Variants in ANO4 observed in about 807,000 individuals in gnomAD.
The protein encoded by ANO4 is anoctamin 4, also known as anoctamin-4.
A neutral mutation model predicts 141.9 loss-of-function variants in ANO4; 69 were observed. That is an observed-to-expected ratio of 0.49 (90% confidence interval 0.40 to 0.59). The LOEUF is 0.59. Among genes scored for constraint, ANO4 ranks in the 20% least tolerant of loss-of-function variants. The pLI, the probability that ANO4 is intolerant of heterozygous loss-of-function variation, is 0.00. For missense variants in ANO4, 894 were observed against 1,162.2 expected (o/e 0.77, Z 3.36); for synonymous variants, 350 against 394.3 (o/e 0.89, Z 1.33).
chr12:100,806,575 C>T (rs1298093067), intron 1 of ANO4, among the ~76,000 whole-genome samples: 16 of 88,200 alleles, frequency 1.8e-4, no homozygotes, highest in Admixed American at 1.8e-3. Flanking sequence ...GACAGAGTCT[C>T]GCTCTGTCAC....
exon 3 of ANO4, chr12:100,739,961 G>T: frequency 1.4e-6 from 1 of 702,562 alleles, no homozygotes; most frequent in Non-Finnish European, 2.6e-6. Context: ...CGTCTCCAAA[G>T]ATGCAGGCAT....
intron 5 of ANO4, among the ~76,000 whole-genome samples, chr12:100,965,256 G>A (rs7963092): frequency 0.029 from 4,349 of 152,090 alleles, 210 homozygotes; most frequent in African/African-American, 0.1. Context: ...TCTAGGCACG[G>A]GATTTTTTTT....
chr12:100,855,025 C>A (rs927747625), intron 1 of ANO4, among the ~76,000 whole-genome samples: 2 of 152,108 alleles, frequency 1.3e-5, no homozygotes, highest in African/African-American at 4.8e-5. Flanking sequence ...CGCTTTATGG[C>A]CCAAACCCCT....
At chr12:100,882,376 C>T (rs1354648886) in intron 1 of ANO4, among the ~76,000 whole-genome samples, 1 of 152,122 alleles carries the variant, frequency 6.6e-6, no homozygotes, top group Non-Finnish European at 1.5e-5. Flanking sequence ...TCTTTTATGG[C>T]CTTTGCTATA....
At chr12:100,956,304 T>C in intron 5 of ANO4, among the ~76,000 whole-genome samples, 1 of 152,378 alleles carries the variant, frequency 6.6e-6, no homozygotes. Flanking sequence ...GTGGTGTTAC[T>C]GCTCACTAGA....
At chr12:100,837,773 TTTGAGTGGTCAAATAAAGGG>T (rs1008649144) in intron 1 of ANO4, among the ~76,000 whole-genome samples, 20 of 146,272 alleles carry the variant, frequency 1.4e-4, no homozygotes, top group East Asian at 4.1e-4. Context: ...GCAATAAAGG[TTTGAGTGGTCAAATAAAGGG>T]TTGAGTGGTC....
At chr12:100,933,037 G>A (rs2042143567) in intron 3 of ANO4, among the ~76,000 whole-genome samples, 1 of 151,878 alleles carries the variant, frequency 6.6e-6, no homozygotes, top group South Asian at 2.1e-4. Context: ...GCCCTTCCTG[G>A]GTCTGAATGA....
intron 4 of ANO4, among the ~76,000 whole-genome samples, chr12:100,940,558 G>A (rs528849937): frequency 6.6e-6 from 1 of 152,302 alleles, no homozygotes; most frequent in African/African-American, 2.4e-5. Flanking sequence ...GTCTCTTAAT[G>A]TAAAATCCAA....
intron 18 of ANO4, 134 bp downstream of exon 18, chr12:101,094,426 G>C: frequency 3.4e-6 from 2 of 593,862 alleles, no homozygotes; most frequent in Non-Finnish European, 5.5e-6. Flanking sequence ...TTTTTTCTTT[G>C]CCTTCAACAG....
rs372498395 is a variant in ANO4 at position 100,943,693 on chromosome 12, T to C, written c.456+1158T>C. On this transcript the variant is annotated intron_variant, in intron 5 of 27. Transcript: ENST00000392977. ...TCTCAAAGACCATCTTAATTAGAGG[T>C]TCCCTGGTACAACAAACAGAATTAA... Among the ~76,000 whole-genome samples, 29 of 151,616 alleles carry C rather than the reference T, an allele frequency of 1.9e-4. No individual in the cohort carries two copies. In the South Asian group the frequency reaches 6.0e-3, roughly 32 times the overall value.
chr12:100,748,253 G>A (rs894762487), intron 3 of ANO4, among the ~76,000 whole-genome samples: 6 of 152,172 alleles, frequency 3.9e-5, no homozygotes, highest in South Asian at 2.1e-4. Context: ...CTTTCAGAAC[G>A]GATGCCAAAG....
At chr12:101,104,172 A>G (rs1026341193) in intron 22 of ANO4, among the ~76,000 whole-genome samples, 1 of 151,924 alleles carries the variant, frequency 6.6e-6, no homozygotes, top group Admixed American at 6.6e-5. Flanking sequence ...TCAAAAGAAA[A>G]ACTAACTTTG....
chr12:100,962,188 G>A (rs2043453301), intron 5 of ANO4, among the ~76,000 whole-genome samples: 1 of 152,134 alleles, frequency 6.6e-6, no homozygotes, highest in Admixed American at 6.6e-5. Context: ...TTTTCTGCCT[G>A]ATAATAGTGT....
At chr12:101,055,738 A>C (rs967960627) in intron 14 of ANO4, among the ~76,000 whole-genome samples, 1 of 152,090 alleles carries the variant, frequency 6.6e-6, no homozygotes, top group Non-Finnish European at 1.5e-5. Flanking sequence ...AATCTTTGCC[A>C]AACTCAAAGT....
At chr12:100,861,334 G>A (rs900386681) in intron 1 of ANO4, among the ~76,000 whole-genome samples, 7 of 152,150 alleles carry the variant, frequency 4.6e-5, no homozygotes, top group Admixed American at 1.3e-4. Context: ...TGCACCTTGG[G>A]TATGTGATAT....
intron 14 of ANO4, among the ~76,000 whole-genome samples, chr12:101,070,565 A>C (rs1453206786): frequency 6.6e-6 from 1 of 151,936 alleles, no homozygotes; most frequent in South Asian, 2.1e-4. Flanking sequence ...TGAAACTACT[A>C]AAAAAAAGCA....
intron 5 of ANO4, among the ~76,000 whole-genome samples, chr12:100,962,978 T>C (rs1213218841): frequency 6.6e-6 from 1 of 152,144 alleles, no homozygotes; most frequent in Non-Finnish European, 1.5e-5. Context: ...ATTTGTTGGA[T>C]ATGACATAAG....
At chr12:100,788,441 A>C (rs2033939513) in intron 3 of ANO4, among the ~76,000 whole-genome samples, 1 of 152,190 alleles carries the variant, frequency 6.6e-6, no homozygotes, top group Non-Finnish European at 1.5e-5. Context: ...AGGGTGCAAG[A>C]GTTGGCATAT....
rs34066695 is a variant in ANO4 at position 100,997,331 on chromosome 12, CA to C, written c.734+9681del. ...CCTGGGACAGAGCGAGACTCTGTCTCAAAAAAAAAAAAAAAAAAAAGTGTCT... is the reference window on the plus strand; with the variant it reads ...CCTGGGACAGAGCGAGACTCTGTCTCAAAAAAAAAAAAAAAAAAAGTGTCT... On this transcript the variant is annotated intron_variant, in intron 8 of 27. Transcript: ENST00000392977. 6.7e-3 allele frequency among the ~76,000 whole-genome samples: 512 copies of C among 75,916 alleles called. 1 individual carries two copies. The highest frequency in any genetic ancestry group is 0.011 in the African/African-American group (195 of 17,068). 49.8% of individuals were successfully genotyped at this position (75,916 alleles called of 152,430 possible).
Sources: gnomAD v4.1 joint callset for allele counts (sites outside exome capture counted in the v4.1 genomes callset) on GRCh38, gnomAD v4.1.1 for gene constraint, MANE v1.5 for transcripts, NCBI Gene and HGNC (gene_info 2026-07-23, HGNC 2026-07-21) for gene names.